Variants in RTN1 observed in about 807,000 individuals in gnomAD.
RTN1 encodes the protein reticulon-1.
Under a neutral mutation model 65.5 loss-of-function variants are expected in RTN1, and 25 were observed. The observed-to-expected ratio is 0.38, with a 90% CI of 0.28 to 0.53. The LOEUF is 0.53. Ranked by LOEUF, RTN1 falls within the 20% of genes least tolerant of loss-of-function variation. RTN1 has a pLI of 0.79. For missense variants in RTN1, 983 were observed against 1,025.4 expected, an observed-to-expected ratio of 0.96 and a Z score of 0.57; for synonymous variants, 471 against 447.6, an observed-to-expected ratio of 1.05 and a Z score of -0.66.
At chr14:59,613,298 T>C (rs964542055) in intron 3 of RTN1, among the ~76,000 whole-genome samples, 1 of 152,158 alleles carries the variant, frequency 6.6e-6, no homozygotes, top group African/African-American at 2.4e-5. Flanking sequence ...GCTATAGATT[T>C]ATTTATTTAT....
chr14:59,751,281 G>T (rs963916622), intron 1 of RTN1, among the ~76,000 whole-genome samples: 10 of 145,334 alleles, frequency 6.9e-5, no homozygotes, highest in Admixed American at 1.4e-4. Context: ...TAATACTAAG[G>T]ATTGTCCTTA....
intron 1 of RTN1, among the ~76,000 whole-genome samples, chr14:59,805,587 C>A (rs1428887160): frequency 6.6e-6 from 1 of 152,174 alleles, no homozygotes; most frequent in Non-Finnish European, 1.5e-5. Context: ...TAATTACACA[C>A]ATAAAACAAA....
chr14:59,596,938 C>A, intron 8 of RTN1, 151 bp from the exon 9 acceptor site: 3 of 527,154 alleles, frequency 5.7e-6, no homozygotes, highest in East Asian at 3.2e-5. Flanking sequence ...AAATACTCTT[C>A]TATAAAGCAA....
chr14:59,764,009 A>G (rs1885801544), intron 1 of RTN1, among the ~76,000 whole-genome samples: 1 of 152,124 alleles, frequency 6.6e-6, no homozygotes, highest in Non-Finnish European at 1.5e-5. Context: ...AATACGTGTG[A>G]TTTTTGACAG....
In RTN1 at chr14:59,607,383, G is replaced by A; in HGVS notation, c.1875C>T (p.Ala625=). The A allele has an allele frequency of 6.2e-7, 1 of 1,613,660 alleles. No homozygotes were observed. Among genetic ancestry groups the A allele is most frequent in the Non-Finnish European group, 8.5e-7 (1 of 1,179,912 alleles). ...CTGAGAGTGCGGCCAGGGCCAGGTA[G>A]GCCACGACGCTCACCACGCTGAACT... is the stretch of plus-strand genomic sequence containing the variant. The part of the protein sequence containing the change: ...LTQFSVVSVV[A]YLALAALSAT... Residue 625 remains alanine, a synonymous_variant, in exon 4 of 9, where the codon GCC becomes GCT. Transcript: ENST00000267484.
At chr14:59,738,751 C>T (rs1410212200) in intron 2 of RTN1, among the ~76,000 whole-genome samples, 1 of 152,136 alleles carries the variant, frequency 6.6e-6, no homozygotes, top group East Asian at 1.9e-4. Flanking sequence ...GGAGCCAACC[C>T]AAATGCTCAT....
At chr14:59,712,024 A>G (rs1884430983) in intron 3 of RTN1, among the ~76,000 whole-genome samples, 1 of 152,220 alleles carries the variant, frequency 6.6e-6, no homozygotes, top group Admixed American at 6.5e-5. Context: ...CACAGAAGAA[A>G]GGGAGCTTGG....
chr14:59,715,593 A>C (rs1884516639), intron 3 of RTN1, among the ~76,000 whole-genome samples: 1 of 152,212 alleles, frequency 6.6e-6, no homozygotes. Context: ...TGGGAGGCAG[A>C]GGCAGGTGGA....
At chr14:59,715,774 C>T (rs1260666588) in intron 3 of RTN1, among the ~76,000 whole-genome samples, 4 of 150,000 alleles carry the variant, frequency 2.7e-5, no homozygotes, top group Admixed American at 1.3e-4. Flanking sequence ...TGCAGTGAGC[C>T]GACATCGCAC....
chr14:59,772,272 T>TG (rs1318496218), intron 1 of RTN1, among the ~76,000 whole-genome samples: 3 of 152,144 alleles, frequency 2.0e-5, no homozygotes, highest in African/African-American at 7.2e-5. Context: ...GATCCTGAAA[T>TG]GATTTTAAAT....
rs2140192809 is a variant in RTN1 at position 59,642,678 on chromosome 14, G to A, written c.1766-35186C>T. On this transcript the variant is annotated intron_variant, in intron 3 of 8. Coordinates refer to ENST00000267484, the MANE Select transcript of RTN1 (RefSeq NM_021136.3). ...TTTTACTTTTTTAAATAGTTTCCAT[G>A]TCTCTGTTGAAATTCTTCATCTTTT... Among the ~76,000 whole-genome samples the A allele has an allele frequency of 2.0e-5, 3 of 152,084 alleles. No homozygotes were observed. The South Asian group carries it at 6.2e-4, about 32-fold the overall frequency.
intron 1 of RTN1, among the ~76,000 whole-genome samples, chr14:59,799,081 C>A (rs1347374800): frequency 1.3e-5 from 2 of 152,150 alleles, no homozygotes. Flanking sequence ...CTTGGTTTCA[C>A]AAACAAGTGT....
intron 1 of RTN1, among the ~76,000 whole-genome samples, chr14:59,831,826 C>A (rs934849780): frequency 2.0e-5 from 3 of 151,946 alleles, no homozygotes; most frequent in Non-Finnish European, 2.9e-5. Context: ...TACCAGCTGA[C>A]ACTCTGCCTT....
chr14:59,859,296 G>A (rs1269731298), intron 1 of RTN1, among the ~76,000 whole-genome samples: 1 of 152,150 alleles, frequency 6.6e-6, no homozygotes, highest in East Asian at 1.9e-4. Flanking sequence ...TCTCGTGATA[G>A]CGAGATCTGA....
chr14:59,597,396 A>G (rs1477744191), intron 8 of RTN1, among the ~76,000 whole-genome samples: 1 of 152,274 alleles, frequency 6.6e-6, no homozygotes, highest in Non-Finnish European at 1.5e-5. Context: ...AGATATCTCC[A>G]GGGTCCTGAA....
intron 3 of RTN1, among the ~76,000 whole-genome samples, chr14:59,617,409 G>C (rs1882133019): frequency 6.6e-6 from 1 of 152,224 alleles, no homozygotes; most frequent in African/African-American, 2.4e-5. Flanking sequence ...TAACAGAACA[G>C]AGTTCTATCA....
chr14:59,721,274 A>C (rs1265369315), intron 3 of RTN1, among the ~76,000 whole-genome samples: 1 of 152,196 alleles, frequency 6.6e-6, no homozygotes, highest in East Asian at 1.9e-4. Context: ...GCTGCTATAC[A>C]CAGAGGAGGC....
At chr14:59,664,479 A>G (rs773309171) in intron 3 of RTN1, among the ~76,000 whole-genome samples, 5 of 152,210 alleles carry the variant, frequency 3.3e-5, no homozygotes, top group Admixed American at 1.3e-4. Context: ...AAAAAGTCAC[A>G]AAATAACCAC....
At chr14:59,828,770 A>T (rs1358837278) in intron 1 of RTN1, among the ~76,000 whole-genome samples, 1 of 152,194 alleles carries the variant, frequency 6.6e-6, no homozygotes, top group Non-Finnish European at 1.5e-5. Context: ...GGCTACGAAA[A>T]TCTCATAGTG....
Sources: allele counts gnomAD v4.1 joint callset (sites outside exome capture counted in the v4.1 genomes callset), GRCh38; gene constraint gnomAD v4.1.1; transcripts MANE v1.5; gene names NCBI Gene and HGNC (gene_info 2026-07-23, HGNC 2026-07-21).